Variants in CGNL1 observed in about 807,000 individuals in gnomAD.
The protein encoded by CGNL1 is cingulin-like protein 1.
CGNL1 carries 132 observed loss-of-function variants against 141.2 expected under a neutral mutation model. The observed-to-expected ratio is 0.93, with a 90% confidence interval of 0.81 to 1.08. The LOEUF is 1.08. Ranked by LOEUF, CGNL1 falls within the 50% of genes least tolerant of loss-of-function variation. CGNL1 has a pLI of 0.00. For missense variants in CGNL1, 1,870 were observed against 1,588.6 expected (o/e 1.18, Z -3.01); for synonymous variants, 690 against 622.1 (o/e 1.11, Z -1.63).
intron 1 of CGNL1, among the ~76,000 whole-genome samples, chr15:57,420,473 A>G (rs1009855375): frequency 3.3e-5 from 5 of 152,328 alleles, no homozygotes; most frequent in Admixed American, 6.5e-5. Context: ...TTGCATGTCT[A>G]TAACTTCTCA....
intron 1 of CGNL1, among the ~76,000 whole-genome samples, chr15:57,398,584 G>A (rs1706406): frequency 0.43 from 65,721 of 152,010 alleles, 14,485 homozygotes; most frequent in East Asian, 0.67. Context: ...CGCTGGCACT[G>A]TGGGAAAGTG....
At chr15:57,482,951 AT>A (rs1182240279) in intron 8 of CGNL1, among the ~76,000 whole-genome samples, 42 of 152,072 alleles carry the variant, frequency 2.8e-4, no homozygotes, top group African/African-American at 9.9e-4. Context: ...CGCCTGGCTA[AT>A]TTTTTTGTAT....
In CGNL1 at chr15:57,505,809, A is replaced by G. The variant is rs76294380; in HGVS notation, c.2404-10971A>G. On this transcript the variant is annotated intron_variant, in intron 8 of 18. Coordinates refer to ENST00000281282, the MANE Select transcript of CGNL1 (RefSeq NM_032866.5). Reference sequence around the variant, plus strand: ...TTGGGGCTGCAAGGAAGCACTAATGAGAAGCATCCATTGGATTGAAAGTTC... The same window carrying G: ...TTGGGGCTGCAAGGAAGCACTAATGGGAAGCATCCATTGGATTGAAAGTTC... Among the ~76,000 whole-genome samples the G allele has an allele frequency of 2.9e-3, 437 of 152,332 alleles. 2 individuals carry two copies. The highest frequency in any genetic ancestry group is 0.01 in the African/African-American group (423 of 41,558).
chr15:57,395,503 G>T (rs1480232584), intron 1 of CGNL1, among the ~76,000 whole-genome samples: 3 of 152,188 alleles, frequency 2.0e-5, no homozygotes, highest in Non-Finnish European at 4.4e-5. Flanking sequence ...TGAATGCCCA[G>T]GTCACAGCCT....
intron 3 of CGNL1, among the ~76,000 whole-genome samples, chr15:57,440,775 T>A (rs2152309549): frequency 6.6e-6 from 1 of 152,216 alleles, no homozygotes; most frequent in South Asian, 2.1e-4. Flanking sequence ...ACTCTTCAGG[T>A]TTGAATGGAG....
At chr15:57,470,548 C>T (rs576872094) in intron 8 of CGNL1, among the ~76,000 whole-genome samples, 10 of 152,170 alleles carry the variant, frequency 6.6e-5, no homozygotes, top group South Asian at 4.2e-4. Context: ...GCAAGTCACT[C>T]CTGGTGTTTT....
At chr15:57,478,661 G>A (rs1443507535) in intron 8 of CGNL1, among the ~76,000 whole-genome samples, 6 of 152,014 alleles carry the variant, frequency 3.9e-5, no homozygotes, top group Non-Finnish European at 8.8e-5. Context: ...TTCTTTTTTT[G>A]AGAGTCTCGC....
intron 1 of CGNL1, among the ~76,000 whole-genome samples, chr15:57,412,119 T>G (rs1312550626): frequency 2.6e-5 from 4 of 152,184 alleles, no homozygotes; most frequent in African/African-American, 9.7e-5. Context: ...TTGGAGAGTT[T>G]GTGTTGGCAT....
intron 4 of CGNL1, among the ~76,000 whole-genome samples, chr15:57,448,933 ATTAC>A (rs1343313082): frequency 6.6e-6 from 1 of 152,182 alleles, no homozygotes; most frequent in African/African-American, 2.4e-5. Context: ...AGACAGTTAA[ATTAC>A]TTACAGATTA....
chr15:57,423,292 G>C (rs921977052), intron 1 of CGNL1, among the ~76,000 whole-genome samples: 1 of 152,138 alleles, frequency 6.6e-6, no homozygotes, highest in Non-Finnish European at 1.5e-5. Flanking sequence ...AAATATTTGA[G>C]CATAAATACC....
At chr15:57,401,124 T>C (rs1283910608) in intron 1 of CGNL1, among the ~76,000 whole-genome samples, 2 of 152,166 alleles carry the variant, frequency 1.3e-5, no homozygotes, top group Non-Finnish European at 2.9e-5. Context: ...TTGTATACTT[T>C]CTATGGCTGT....
chr15:57,516,950 T>C lies in CGNL1; in HGVS notation c.2574T>C (p.Asp858=). The part of the protein sequence containing the change: ...LQRQIEDLKG[D]EAKAKETLKK... ...GGCAGATCGAGGACCTGAAAGGCGA[T>C]GAAGCCAAGGCGAAGGAAACGCTGA... The change falls in exon 9 of 19, where the codon GAT becomes GAC. Residue 858 remains aspartate (D), a synonymous_variant. Transcript: ENST00000281282. 1 of 1,613,576 alleles carries C rather than the reference T, an allele frequency of 6.2e-7. No homozygotes were observed. The highest frequency in any genetic ancestry group is 8.5e-7 in the Non-Finnish European group (1 of 1,180,010).
chr15:57,541,910 C>G (rs542980458), intron 14 of CGNL1, among the ~76,000 whole-genome samples: 12 of 152,330 alleles, frequency 7.9e-5, no homozygotes, highest in African/African-American at 2.4e-4. Context: ...ACCCCCTCAC[C>G]TAGGGGCAGA....
At chr15:57,525,236 A>C (rs1350400116) in intron 12 of CGNL1, among the ~76,000 whole-genome samples, 1 of 152,268 alleles carries the variant, frequency 6.6e-6, no homozygotes, top group African/African-American at 2.4e-5. Context: ...GGAATTTATG[A>C]GTATTGAAAT....
intron 7 of CGNL1, among the ~76,000 whole-genome samples, chr15:57,459,024 G>A (rs751587559): frequency 1.3e-5 from 2 of 152,114 alleles, no homozygotes; most frequent in Non-Finnish European, 1.5e-5. Flanking sequence ...TCTCGTTGTC[G>A]GTTATACTTA....
chr15:57,528,864 T>A (rs746701630), intron 13 of CGNL1, 49 bp downstream of exon 13: 6 of 1,584,350 alleles, frequency 3.8e-6, no homozygotes, highest in African/African-American at 1.4e-5. Context: ...AGAGCGAGGC[T>A]GGGCCACGAG....
chr15:57,393,239 G>C (rs1567090101), intron 1 of CGNL1, among the ~76,000 whole-genome samples: 1 of 152,158 alleles, frequency 6.6e-6, no homozygotes, highest in African/African-American at 2.4e-5. Context: ...TTGGGTTTTA[G>C]CATTGAGGCC....
intron 2 of CGNL1, among the ~76,000 whole-genome samples, chr15:57,440,136 C>T (rs926199073): frequency 2.7e-5 from 4 of 149,732 alleles, no homozygotes; most frequent in African/African-American, 9.8e-5. Context: ...TAGCTAAGTG[C>T]TAGGCACTGT....
chr15:57,443,996 G>A (rs1456051729), intron 4 of CGNL1, among the ~76,000 whole-genome samples: 1 of 152,052 alleles, frequency 6.6e-6, no homozygotes, highest in African/African-American at 2.4e-5. Flanking sequence ...AATTGTATCT[G>A]TACAGTTCAT....
Sources: allele counts gnomAD v4.1 joint callset (sites outside exome capture counted in the v4.1 genomes callset), GRCh38; gene constraint gnomAD v4.1.1; transcripts MANE v1.5; gene names NCBI Gene and HGNC (gene_info 2026-07-23, HGNC 2026-07-21).